Variants in TANGO6 observed in about 807,000 individuals in gnomAD.
TANGO6 encodes transport and Golgi organization protein 6 homolog.
TANGO6 carries 90 observed loss-of-function variants against 114.2 expected under a neutral mutation model. The ratio of observed to expected loss-of-function variants is 0.79; its 90% CI spans 0.66 to 0.94. The LOEUF is 0.94. Ranked by LOEUF, TANGO6 falls within the 40% of genes least tolerant of loss-of-function variation. TANGO6 has a pLI of 0.00. For synonymous variants in TANGO6, 477 were observed against 509.8 expected (o/e 0.94, Z 0.87); for missense variants, 1,274 against 1,315.3 (o/e 0.97, Z 0.49).
chr16:69,022,862 C>A lies in TANGO6; in HGVS notation c.2877C>A (p.Ile959=). 1 of 1,590,460 alleles carries A rather than the reference C, an allele frequency of 6.3e-7. No homozygotes were observed. The highest frequency in any genetic ancestry group is 2.3e-5 in the East Asian group (1 of 44,220). The change falls in exon 16 of 18, where the codon ATC becomes ATA. Residue 959 remains isoleucine, a synonymous_variant. Transcript: ENST00000261778. ...TCTCAAAGTACCGAGAACCTTTGAT[C>A]CATACCTTCCTGAGGGGAGTGAGAG... ...DMVSKYREPL[I]HTFLRGVRDP... is the part of the protein sequence containing the mutation.
chr16:69,076,093 T>TTC, intron 17 of TANGO6, among the ~76,000 whole-genome samples: 1 of 135,668 alleles, frequency 7.4e-6, no homozygotes, highest in East Asian at 2.1e-4. Flanking sequence ...CATTTCTTTT[T>TTC]TTTTTTTTTT....
At chr16:69,004,666 T>C (rs1195887099) in intron 15 of TANGO6, among the ~76,000 whole-genome samples, 1 of 152,192 alleles carries the variant, frequency 6.6e-6, no homozygotes, top group Non-Finnish European at 1.5e-5. Flanking sequence ...AAATTATTTC[T>C]CTGACAAAAT....
chr16:68,849,996 C>T (rs1315821642), intron 1 of TANGO6, among the ~76,000 whole-genome samples: 11 of 119,046 alleles, frequency 9.2e-5, no homozygotes, highest in African/African-American at 3.6e-4. Flanking sequence ...TTTTTTGAGA[C>T]GGAATCTTGC....
intron 17 of TANGO6, among the ~76,000 whole-genome samples, chr16:69,055,308 G>A (rs991700239): frequency 1.3e-5 from 2 of 152,178 alleles, no homozygotes; most frequent in Non-Finnish European, 2.9e-5. Context: ...GAGCTGGGGG[G>A]TCAGCGACTC....
intron 17 of TANGO6, among the ~76,000 whole-genome samples, chr16:69,046,989 T>A (rs1244268535): frequency 1.3e-5 from 2 of 151,478 alleles, no homozygotes; most frequent in African/African-American, 4.9e-5. Context: ...GAGACCAGCC[T>A]GACCAACATG....
At chr16:68,905,626 A>G (rs544080788) in intron 9 of TANGO6, among the ~76,000 whole-genome samples, 1 of 152,278 alleles carries the variant, frequency 6.6e-6, no homozygotes, top group African/African-American at 2.4e-5. Context: ...AGAATAATTA[A>G]AAACTAAAAG....
chr16:69,022,049 C>T (rs1292334977), intron 15 of TANGO6, among the ~76,000 whole-genome samples: 2 of 151,838 alleles, frequency 1.3e-5, no homozygotes, highest in Non-Finnish European at 2.9e-5. Context: ...CCACGCCCGG[C>T]TAATTTTTTA....
intron 17 of TANGO6, among the ~76,000 whole-genome samples, chr16:69,067,093 T>C (rs1043148892): frequency 2.0e-5 from 3 of 152,142 alleles, no homozygotes; most frequent in Admixed American, 6.6e-5. Context: ...CAAAGGGTCT[T>C]GCTGTGTTGC....
intron 1 of TANGO6, among the ~76,000 whole-genome samples, chr16:68,856,426 C>T (rs1222645592): frequency 6.6e-6 from 1 of 152,214 alleles, no homozygotes; most frequent in Non-Finnish European, 1.5e-5. Context: ...ACTATGTATT[C>T]CTGGCATAAA....
chr16:69,000,350 T>G (rs562066273), intron 15 of TANGO6, among the ~76,000 whole-genome samples: 2 of 152,310 alleles, frequency 1.3e-5, no homozygotes, highest in East Asian at 3.9e-4. Flanking sequence ...AGAATTTGAT[T>G]TTGGGAACTT....
intron 11 of TANGO6, among the ~76,000 whole-genome samples, chr16:68,915,778 T>C (rs1286379017): frequency 6.6e-6 from 1 of 152,208 alleles, no homozygotes; most frequent in Non-Finnish European, 1.5e-5. Context: ...CTGCGTTGCT[T>C]CAGAAGACAA....
In TANGO6 at chr16:68,844,967, C is replaced by CTTTTTTTT. The variant is rs200473627; in HGVS notation, c.94+1267_94+1274dup. On this transcript the variant is annotated intron_variant, in intron 1 of 17. Coordinates refer to ENST00000261778, the MANE Select transcript of TANGO6 (RefSeq NM_024562.2). The stretch of plus-strand genomic sequence containing the variant: ...GGTCACTTGTCTTCTAACGGCAACT[C>CTTTTTTTT]TTTTTTTTTTTTTTTTTTGAGATGA... 1.5e-5 allele frequency among the ~76,000 whole-genome samples: 2 copies of CTTTTTTTT among 131,214 alleles called. 1 individual carries two copies. Among genetic ancestry groups the CTTTTTTTT allele is most frequent in the African/African-American group, 5.8e-5 (2 of 34,338 alleles). 86.1% of individuals were successfully genotyped at this position (131,214 alleles called of 152,430 possible).
intron 17 of TANGO6, among the ~76,000 whole-genome samples, chr16:69,054,090 C>A (rs921243519): frequency 6.6e-6 from 1 of 152,102 alleles, no homozygotes; most frequent in Admixed American, 6.6e-5. Flanking sequence ...GAATCTTGGT[C>A]TCCCATAGAG....
intron 7 of TANGO6, among the ~76,000 whole-genome samples, chr16:68,888,374 G>A (rs1007336702): frequency 3.9e-5 from 6 of 152,180 alleles, no homozygotes; most frequent in Admixed American, 2.6e-4. Flanking sequence ...CTGGTTCTGG[G>A]TAGGACAATG....
At chr16:68,847,071 G>A (rs1423912431) in intron 1 of TANGO6, among the ~76,000 whole-genome samples, 3 of 151,786 alleles carry the variant, frequency 2.0e-5, no homozygotes, top group African/African-American at 7.3e-5. Context: ...TGTATTTTTA[G>A]TAGAGATGGG....
At chr16:69,040,581 G>C (rs1397863221) in intron 17 of TANGO6, among the ~76,000 whole-genome samples, 160 bp downstream of exon 17, 1 of 152,120 alleles carries the variant, frequency 6.6e-6, no homozygotes, top group Non-Finnish European at 1.5e-5. Context: ...GACCTTGTTT[G>C]TATCTTCGGT....
intron 15 of TANGO6, among the ~76,000 whole-genome samples, chr16:69,008,608 G>C (rs1387335362): frequency 1.3e-5 from 2 of 151,678 alleles, no homozygotes; most frequent in East Asian, 1.9e-4. Flanking sequence ...TCCATTTGAA[G>C]TTAATTTTTG....
At chr16:68,980,383 TTC>T (rs143061953) in intron 15 of TANGO6, among the ~76,000 whole-genome samples, 533 of 36,830 alleles carry the variant, frequency 0.014, 31 homozygotes, top group African/African-American at 0.052. Context: ...CTGTCTGTCA[TTC>T]TCTCTCTCTC....
intron 15 of TANGO6, among the ~76,000 whole-genome samples, chr16:69,006,408 C>T (rs1400777056): frequency 1.3e-5 from 2 of 152,064 alleles, no homozygotes; most frequent in African/African-American, 4.8e-5. Context: ...ATTCTCCAGT[C>T]CTCGTTCTGA....
Sources: allele counts gnomAD v4.1 joint callset (sites outside exome capture counted in the v4.1 genomes callset), GRCh38; gene constraint gnomAD v4.1.1; transcripts MANE v1.5; gene names NCBI Gene and HGNC (gene_info 2026-07-23, HGNC 2026-07-21).